Variants in BBOX1 observed in about 807,000 individuals in gnomAD.
The protein encoded by BBOX1 is gamma-butyrobetaine dioxygenase.
A neutral mutation model predicts 41.6 loss-of-function variants in BBOX1; 35 were observed. The observed-to-expected ratio is 0.84, with a 90% CI of 0.64 to 1.11. The LOEUF is 1.11. BBOX1 is among the 50% of genes most tolerant of loss of function. The probability of loss-of-function intolerance (pLI) is 0.00; values close to 1 mark genes in which losing one functional copy is unlikely to be tolerated. For missense variants in BBOX1, 458 were observed against 460.6 expected (o/e 0.99, Z 0.05); for synonymous variants, 163 against 154.7 (o/e 1.05, Z -0.40).
chr11:27,068,515 T>C (rs747732588), intron 4 of BBOX1, among the ~76,000 whole-genome samples: 3 of 152,136 alleles, frequency 2.0e-5, no homozygotes, highest in Non-Finnish European at 2.9e-5. Context: ...TCCCTTTCTG[T>C]GGGTTGTTTA....
chr11:27,098,007 C>G (rs1858505368), intron 5 of BBOX1, among the ~76,000 whole-genome samples: 4 of 151,980 alleles, frequency 2.6e-5, no homozygotes, highest in Admixed American at 1.3e-4. Context: ...AAATCAGTCC[C>G]TTTCTCACTT....
At chr11:27,103,408 C>A (rs1415306094) in intron 5 of BBOX1, among the ~76,000 whole-genome samples, 2 of 151,940 alleles carry the variant, frequency 1.3e-5, no homozygotes, top group Non-Finnish European at 2.9e-5. Context: ...TGGGCTTCTT[C>A]TTTTGAGGAC....
rs75437027 is a variant in BBOX1, at chr11:27,077,090, G to A, written c.335-16078G>A. Among the ~76,000 whole-genome samples, 120 of 152,194 alleles carry A rather than the reference G, an allele frequency of 7.9e-4. 2 individuals carry two copies. Among genetic ancestry groups the A allele is most frequent in the African/African-American group, 2.8e-3 (118 of 41,536 alleles). ...CATTTCCCACCCACCCTTAAGTTCT[G>A]GCCAAGGGTGTTTGTCTGCACTTGA... On this transcript the variant is annotated intron_variant, in intron 4 of 8. Transcript: ENST00000263182.
At chr11:27,127,054 G>C (rs2134122139) in intron 8 of BBOX1, among the ~76,000 whole-genome samples, 1 of 152,280 alleles carries the variant, frequency 6.6e-6, no homozygotes, top group South Asian at 2.1e-4. Context: ...AAATAAGAAT[G>C]ATTAAAATAC....
intron 2 of BBOX1, among the ~76,000 whole-genome samples, chr11:27,054,219 G>GTA (rs1856904041): frequency 6.6e-6 from 1 of 150,558 alleles, no homozygotes; most frequent in Admixed American, 6.7e-5. Context: ...GTGTGTGTGT[G>GTA]TGTGTGTGTG....
At chr11:27,125,093 G>C (rs1859603506) in intron 7 of BBOX1, among the ~76,000 whole-genome samples, 1 of 152,112 alleles carries the variant, frequency 6.6e-6, no homozygotes, top group Admixed American at 6.5e-5. Context: ...TCAATACTAA[G>C]ATAGGTAGGA....
At chr11:27,114,718 C>T (rs1564987728) in intron 5 of BBOX1, among the ~76,000 whole-genome samples, 1 of 112,040 alleles carries the variant, frequency 8.9e-6, no homozygotes, top group Non-Finnish European at 2.1e-5. Flanking sequence ...AAATTGGACC[C>T]ACAACTCATA....
chr11:27,049,361 T>C (rs1851598547), intron 2 of BBOX1, among the ~76,000 whole-genome samples: 1 of 152,124 alleles, frequency 6.6e-6, no homozygotes, highest in Non-Finnish European at 1.5e-5. Context: ...TGGCCATTTA[T>C]ATGTCTTCTT....
At chr11:27,067,110 T>C (rs913396080) in intron 4 of BBOX1, among the ~76,000 whole-genome samples, 4 of 152,202 alleles carry the variant, frequency 2.6e-5, no homozygotes, top group Non-Finnish European at 4.4e-5. Context: ...TGTTGCACCA[T>C]ACATATCAAC....
chr11:27,065,052 G>T (rs987901099), intron 4 of BBOX1, among the ~76,000 whole-genome samples: 15 of 152,118 alleles, frequency 9.9e-5, no homozygotes, highest in Non-Finnish European at 5.9e-5. Context: ...CATTAGTTTT[G>T]CAAAGGCCAT....
intron 5 of BBOX1, among the ~76,000 whole-genome samples, chr11:27,109,538 A>C (rs1355207473): frequency 2.0e-5 from 3 of 151,988 alleles, no homozygotes; most frequent in African/African-American, 7.2e-5. Flanking sequence ...AGAGATGGGG[A>C]AAAGAACAGA....
intron 6 of BBOX1, among the ~76,000 whole-genome samples, chr11:27,116,955 G>C (rs1021279012): frequency 6.6e-6 from 1 of 151,978 alleles, no homozygotes; most frequent in African/African-American, 2.4e-5. Context: ...GTCAAGGAGG[G>C]AAATGCTCAG....
intron 2 of BBOX1, among the ~76,000 whole-genome samples, chr11:27,054,487 C>A (rs1009904216): frequency 6.6e-6 from 1 of 152,252 alleles, no homozygotes; most frequent in Admixed American, 6.5e-5. Context: ...TTCTGAAGGT[C>A]AAATATATAG....
At chr11:27,094,756 T>C (rs1858375330) in intron 5 of BBOX1, among the ~76,000 whole-genome samples, 1 of 151,916 alleles carries the variant, frequency 6.6e-6, no homozygotes, top group Non-Finnish European at 1.5e-5. Flanking sequence ...ATCTCTGCCA[T>C]GTTTAGACTT....
chr11:27,049,079 A>G (rs1205954417), intron 2 of BBOX1, among the ~76,000 whole-genome samples: 1 of 151,912 alleles, frequency 6.6e-6, no homozygotes, highest in East Asian at 1.9e-4. Context: ...ACATGAACTC[A>G]TCATTTTTTA....
chr11:27,042,918 T>C (rs1364875912), intron 2 of BBOX1, among the ~76,000 whole-genome samples: 2 of 152,154 alleles, frequency 1.3e-5, no homozygotes. Flanking sequence ...AAGGTTAAAA[T>C]ATAAAATAAT....
chr11:27,102,168 T>C (rs1187034386), intron 5 of BBOX1, among the ~76,000 whole-genome samples: 1 of 151,758 alleles, frequency 6.6e-6, no homozygotes, highest in African/African-American at 2.4e-5. Flanking sequence ...AGCTAAAAAA[T>C]AGAAAAAGCA....
At chr11:27,073,820 C>A (rs563380716) in intron 4 of BBOX1, among the ~76,000 whole-genome samples, 2 of 152,122 alleles carry the variant, frequency 1.3e-5, no homozygotes, top group East Asian at 1.9e-4. Flanking sequence ...GGACAAAAAA[C>A]CAAACACTTG....
chr11:27,117,466 G>A (rs1859309209), intron 6 of BBOX1, among the ~76,000 whole-genome samples: 1 of 151,912 alleles, frequency 6.6e-6, no homozygotes, highest in Non-Finnish European at 1.5e-5. Context: ...TTGGGGGCAG[G>A]AGACACCCAG....
Sources: gnomAD v4.1 joint callset for allele counts (sites outside exome capture counted in the v4.1 genomes callset) on GRCh38, gnomAD v4.1.1 for gene constraint, MANE v1.5 for transcripts, NCBI Gene and HGNC (gene_info 2026-07-23, HGNC 2026-07-21) for gene names.